SHC3: variants seen among roughly 807,000 people sequenced by gnomAD.
The protein encoded by SHC3 is SHC adaptor protein 3, also known as SHC-transforming protein 3.
A neutral mutation model predicts 60.4 loss-of-function variants in SHC3; 15 were observed. The observed-to-expected ratio is 0.25, with a 90% confidence interval of 0.17 to 0.38. SHC3 has a LOEUF of 0.38. SHC3 is among the 10% of genes least tolerant of loss of function. The pLI is 1.00. For synonymous variants in SHC3, 294 were observed against 325.9 expected (o/e 0.90, Z 1.05); for missense variants, 677 against 786.1 (o/e 0.86, Z 1.66).
intron 6 of SHC3, among the ~76,000 whole-genome samples, chr9:89,055,391 G>T (rs1824932879): frequency 6.6e-6 from 1 of 152,218 alleles, no homozygotes; most frequent in Non-Finnish European, 1.5e-5. Context: ...CCCTACCTGT[G>T]ACACCTATTC....
At chr9:89,046,100 C>A (rs1824771309) in intron 8 of SHC3, among the ~76,000 whole-genome samples, 1 of 128,370 alleles carries the variant, frequency 7.8e-6, no homozygotes, top group Non-Finnish European at 1.6e-5. Context: ...CGAAGTGTGA[C>A]TGTAAATCAA....
chr9:89,070,411 T>G (rs1339693738), intron 5 of SHC3, among the ~76,000 whole-genome samples: 1 of 152,220 alleles, frequency 6.6e-6, no homozygotes, highest in Admixed American at 6.5e-5. Flanking sequence ...ACCAATTTCC[T>G]GCCTGGTTTC....
At chr9:89,114,994 A>G (rs1826000939) in intron 1 of SHC3, among the ~76,000 whole-genome samples, 3 of 152,202 alleles carry the variant, frequency 2.0e-5, no homozygotes, top group Non-Finnish European at 4.4e-5. Flanking sequence ...CAGTTATGGG[A>G]ATACCAACAA....
chr9:89,095,665 C>A lies in SHC3; in HGVS notation c.545+16891G>T, dbSNP rs377413638. Among the ~76,000 whole-genome samples the A allele has an allele frequency of 8.4e-3, 1,278 of 151,948 alleles. 11 individuals are homozygous for A. The highest frequency in any genetic ancestry group is 0.014 in the Non-Finnish European group (981 of 67,944). On this transcript the variant is annotated intron_variant, in intron 2 of 11. Transcript: ENST00000375835. ...CAACTAAGTAAAAGCCAAAAAAAAACCATTATTCCCGGGAAAGCCACACAC... is the reference window on the plus strand; with the variant it reads ...CAACTAAGTAAAAGCCAAAAAAAAAACATTATTCCCGGGAAAGCCACACAC...
At chr9:89,141,097 A>C (rs1826386953) in intron 1 of SHC3, among the ~76,000 whole-genome samples, 1 of 152,096 alleles carries the variant, frequency 6.6e-6, no homozygotes. Flanking sequence ...TTTTTGGAGG[A>C]GAAGAGAATA....
At chr9:89,055,962 C>A (rs911547794) in intron 6 of SHC3, among the ~76,000 whole-genome samples, 1 of 152,098 alleles carries the variant, frequency 6.6e-6, no homozygotes, top group Non-Finnish European at 1.5e-5. Context: ...AAAAAGGATG[C>A]AATAAAGAGA....
chr9:89,149,944 C>T (rs529449848), intron 1 of SHC3, among the ~76,000 whole-genome samples: 1 of 152,162 alleles, frequency 6.6e-6, no homozygotes, highest in Non-Finnish European at 1.5e-5. Flanking sequence ...CCTATACTAC[C>T]CATCCCTTAG....
chr9:89,103,598 T>C (rs1179115721), intron 2 of SHC3, among the ~76,000 whole-genome samples: 1 of 152,192 alleles, frequency 6.6e-6, no homozygotes, highest in Non-Finnish European at 1.5e-5. Flanking sequence ...GGAAGTGTTG[T>C]TTGAAGCAAT....
intron 11 of SHC3, among the ~76,000 whole-genome samples, chr9:89,017,871 T>C (rs1291563116): frequency 6.6e-6 from 1 of 152,204 alleles, no homozygotes; most frequent in Non-Finnish European, 1.5e-5. Context: ...GACATTTATT[T>C]AGCCAACAAA....
chr9:89,093,036 T>C (rs890493145), intron 2 of SHC3, among the ~76,000 whole-genome samples: 1 of 152,240 alleles, frequency 6.6e-6, no homozygotes, highest in Non-Finnish European at 1.5e-5. Context: ...TTGAGTCCAT[T>C]ACAAAGAATG....
intron 2 of SHC3, among the ~76,000 whole-genome samples, chr9:89,092,434 G>A (rs1006599375): frequency 1.3e-5 from 2 of 151,898 alleles, no homozygotes; most frequent in African/African-American, 2.4e-5. Flanking sequence ...TGGCTAACAC[G>A]GTGAAACCCC....
chr9:89,142,009 T>C (rs1826400470), intron 1 of SHC3, among the ~76,000 whole-genome samples: 1 of 152,158 alleles, frequency 6.6e-6, no homozygotes. Flanking sequence ...GTTTCCCCTT[T>C]AGGGAGAAAA....
intron 6 of SHC3, among the ~76,000 whole-genome samples, chr9:89,054,810 G>C (rs1264220725): frequency 6.6e-6 from 1 of 152,224 alleles, no homozygotes; most frequent in African/African-American, 2.4e-5. Flanking sequence ...ACTGCCCACT[G>C]GGGAAACTCG....
rs755019472 is a variant in SHC3 at position 89,071,268 on chromosome 9, CA to C, written c.730-17del. On this transcript the variant is annotated splice_polypyrimidine_tract_variant and intron_variant, in intron 4 of 11. Transcript: ENST00000375835. ...TCGCTATGATCTGCCAGGCCCAAAA[CA>C]AGAAACGAGATGTGCTGTTATCGCC... The C allele has an allele frequency of 2.5e-6, 4 of 1,613,840 alleles. No homozygotes were observed. In the African/African-American group the frequency reaches 5.3e-5, roughly 22 times the overall value.
At chr9:89,134,396 T>G (rs1826291704) in intron 1 of SHC3, among the ~76,000 whole-genome samples, 1 of 152,176 alleles carries the variant, frequency 6.6e-6, no homozygotes, top group Non-Finnish European at 1.5e-5. Context: ...TCAGTTTTTC[T>G]GAATAATAGT....
At chr9:89,116,037 C>T (rs1211857417) in intron 1 of SHC3, among the ~76,000 whole-genome samples, 1 of 152,118 alleles carries the variant, frequency 6.6e-6, no homozygotes, top group Non-Finnish European at 1.5e-5. Context: ...TGACTATCAG[C>T]AGCAGAACCA....
At position 89,112,620 on chromosome 9, in the gene SHC3, C is replaced by G. The variant is rs1224581588; in HGVS notation, c.481G>C (p.Gly161Arg). 6.3e-7 allele frequency: 1 copy of G among 1,589,204 alleles called. No homozygotes were observed. Among genetic ancestry groups the G allele is most frequent in the South Asian group, 1.2e-5 (1 of 86,078 alleles). ...PGVTYVVKYL[G>R]CIEVLRSMRS... ...ATTGAGCGCAGAACTTCAATGCACC[C>G]CAAGTACTGCAAGGGGAAAAAATGT... The change falls in exon 2 of 12, where the codon GGG becomes CGG. Residue 161 changes from glycine to arginine, a missense_variant. Transcript: ENST00000375835.
chr9:89,068,092 C>G (rs982843345), intron 5 of SHC3, among the ~76,000 whole-genome samples: 1 of 152,078 alleles, frequency 6.6e-6, no homozygotes, highest in Non-Finnish European at 1.5e-5. Flanking sequence ...GCAGAGCAGG[C>G]AAATATATTA....
chr9:89,121,890 C>T (rs1337338986), intron 1 of SHC3, among the ~76,000 whole-genome samples: 1 of 152,142 alleles, frequency 6.6e-6, no homozygotes, highest in African/African-American at 2.4e-5. Flanking sequence ...TAAATTACAG[C>T]AATTGCACAG....
Sources: gnomAD v4.1 joint callset for allele counts (sites outside exome capture counted in the v4.1 genomes callset) on GRCh38, gnomAD v4.1.1 for gene constraint, MANE v1.5 for transcripts, NCBI Gene and HGNC (gene_info 2026-07-23, HGNC 2026-07-21) for gene names.